NTMT1: variants seen among roughly 807,000 people sequenced by gnomAD.
The protein encoded by NTMT1 is N-terminal Xaa-Pro-Lys N-methyltransferase 1, also known as N-terminal RCC1 methyltransferase.
NTMT1 carries 8 observed loss-of-function variants against 17.5 expected under a neutral mutation model. The observed-to-expected ratio is 0.46, with a 90% CI of 0.27 to 0.82. The LOEUF is 0.82. Among genes scored for constraint, NTMT1 ranks in the 40% least tolerant of loss-of-function variants. NTMT1 has a pLI of 0.15. For synonymous variants in NTMT1, 128 were observed against 126.8 expected, an observed-to-expected ratio of 1.01 and a Z score of -0.06; for missense variants, 221 against 303.5, an observed-to-expected ratio of 0.73 and a Z score of 2.02.
At chr9:129,616,435 C>T (rs937792922) in intron 1 of NTMT1, among the ~76,000 whole-genome samples, 20 of 152,186 alleles carry the variant, frequency 1.3e-4, no homozygotes, top group African/African-American at 2.9e-4. Flanking sequence ...AGGGTGGTCC[C>T]GAACGCCTGA....
chr9:129,623,828 C>CTT (rs11375035), upstream of NTMT1, among the ~76,000 whole-genome samples: 1 of 130,638 alleles, frequency 7.7e-6, no homozygotes, highest in African/African-American at 2.9e-5. Flanking sequence ...CTTTTCTTTT[C>CTT]TTTTTTTTTT....
At chr9:129,619,124 A>T (rs77594518) in intron 1 of NTMT1, among the ~76,000 whole-genome samples, 5,174 of 152,218 alleles carry the variant, frequency 0.034, 133 homozygotes, top group Non-Finnish European at 0.054. Flanking sequence ...GTATGGATGG[A>T]TGGAGTCATG....
At chr9:129,625,628 G>T (rs558157601), upstream of NTMT1, among the ~76,000 whole-genome samples, 1 of 152,310 alleles carries the variant, frequency 6.6e-6, no homozygotes, top group East Asian at 1.9e-4. Context: ...CAGTCTGGAA[G>T]GCCGAGGTGG....
chr9:129,620,392 C>A lies in NTMT1; in HGVS notation c.-55+11214C>A. 2 of 1,229,714 alleles carry A rather than the reference C, an allele frequency of 1.6e-6. No homozygotes were observed. Among genetic ancestry groups the A allele is most frequent in the Non-Finnish European group, 2.0e-6 (2 of 987,260 alleles). 76.2% of individuals were successfully genotyped at this position (1,229,714 alleles called of 1,614,324 possible). On this transcript the variant is annotated intron_variant, in intron 1 of 3. Coordinates refer to the NTMT1 transcript ENST00000372486. This position sits in a 1 kb window ranked among gnomAD's most constrained non-coding sequence, Gnocchi z 5.8. ...CGGGCTTGGCGTCCCCTTCCGGCCA[C>A]CACGCGGCGCCGCCCCCCGGGATCC...
intron 1 of NTMT1, chr9:129,619,515 C>G (rs1461330071): frequency 8.1e-6 from 13 of 1,605,934 alleles, no homozygotes; most frequent in Middle Eastern, 1.7e-4. Context: ...CCGCCCATCA[C>G]TCACTGGTTG....
chr9:129,615,591 G>C (rs766245699), intron 1 of NTMT1: 4 of 1,605,624 alleles, frequency 2.5e-6, no homozygotes, highest in Non-Finnish European at 3.4e-6. Flanking sequence ...GCCTTCCCCC[G>C]AGGGGTTGTG....
At chr9:129,630,642 G>A (rs1459077205) in intron 1 of NTMT1, among the ~76,000 whole-genome samples, 9 of 152,136 alleles carry the variant, frequency 5.9e-5, no homozygotes, top group East Asian at 3.9e-4. Context: ...GGACTCTTCC[G>A]TGTTGACCCT....
rs1036397309 is a variant in NTMT1 at position 129,620,196 on chromosome 9, G to GA, written c.-55+11018_-55+11019insA. Reference sequence around the variant, plus strand: ...TCCTCCCTGGCCACGCGCCTCCGGGGGCGCTCGCGCTCTCCAGGCCCTGGC... The same window carrying GA: ...TCCTCCCTGGCCACGCGCCTCCGGGGAGCGCTCGCGCTCTCCAGGCCCTGGC... On this transcript the variant is annotated intron_variant, in intron 1 of 3. Coordinates refer to the NTMT1 transcript ENST00000372486. This position sits in a 1 kb window ranked among gnomAD's most constrained non-coding sequence, Gnocchi z 5.8. 2.8e-5 allele frequency: 41 copies of GA among 1,450,288 alleles called. No homozygotes were observed. The South Asian group carries it at 5.5e-4, about 19-fold the overall frequency. 89.8% of individuals were successfully genotyped at this position (1,450,288 alleles called of 1,614,324 possible).
chr9:129,611,091 T>G (rs538964309), intron 1 of NTMT1, among the ~76,000 whole-genome samples: 9 of 152,088 alleles, frequency 5.9e-5, no homozygotes, highest in African/African-American at 2.2e-4. Flanking sequence ...AGGGCGCCTC[T>G]CCCAAAAGGC....
intron 2 of NTMT1, chr9:129,633,823 T>C (rs1265178723): frequency 1.9e-6 from 1 of 515,600 alleles, no homozygotes; most frequent in Non-Finnish European, 3.4e-6. Context: ...GAATGCAGAA[T>C]GCAACCTGAA....
upstream of NTMT1, among the ~76,000 whole-genome samples, chr9:129,624,267 T>C (rs1830828824): frequency 6.6e-6 from 1 of 152,204 alleles, no homozygotes; most frequent in Non-Finnish European, 1.5e-5. Context: ...CTTGCTCTTC[T>C]GTTGACAGGA....
chr9:129,613,406 G>T lies in NTMT1; in HGVS notation c.-55+4228G>T. On this transcript the variant is annotated intron_variant, in intron 1 of 3. Coordinates refer to the NTMT1 transcript ENST00000372486. The surrounding 1 kb of genome is among the most constrained non-coding windows in gnomAD (Gnocchi z 6.2). ...GGTGGAGGGCCCTGGCAATGTCCAC[G>T]AGTCCCATCCGCTTCCCTGGAGCCT... The T allele has an allele frequency of 6.2e-7, 1 of 1,608,896 alleles. No individual in the cohort carries two copies.
At chr9:129,618,811 G>A (rs1387492418) in intron 1 of NTMT1, among the ~76,000 whole-genome samples, 1 of 151,596 alleles carries the variant, frequency 6.6e-6, no homozygotes, top group African/African-American at 2.4e-5. Context: ...TCTCGCCTCA[G>A]CCTCCCGAGT....
Position 129,635,794 on chromosome 9 carries a change from G to T in NTMT1, c.*330G>T, listed in dbSNP as rs557674962. 14 of 257,104 alleles carry T rather than the reference G, an allele frequency of 5.4e-5. No homozygotes were observed. The highest frequency in any genetic ancestry group is 9.0e-5 in the Non-Finnish European group (12 of 133,480). The allele number at this position is 257,104 out of a possible 1,614,324, so 15.9% of individuals were successfully genotyped here. A position where few individuals can be genotyped will look rare whatever the true frequency, so the allele number is the denominator to read the frequency against. On this transcript the variant is annotated 3_prime_UTR_variant, in exon 4 of 4. Transcript: ENST00000372483. ...AACCGATTCCCTGGGCCTCCAGCCC[G>T]GCCTTCCAGCCATGGGCCTGGCTGC...
intron 1 of NTMT1, chr9:129,619,402 T>C: frequency 1.3e-6 from 1 of 752,824 alleles, no homozygotes. Flanking sequence ...TATGTAAGGA[T>C]GGATGAATGG....
rs771692996 is a variant in NTMT1, at chr9:129,619,720, A to T, written c.-55+10542A>T. On this transcript the variant is annotated intron_variant, in intron 1 of 3. Transcript: ENST00000372486. The stretch of plus-strand genomic sequence containing the variant: ...ATCGATGGCAACCCCGTCCCCACCA[A>T]GAAGCGGACTGACGCTTACCACAGG... 2.2e-5 allele frequency: 36 copies of T among 1,613,596 alleles called. No individual in the cohort carries two copies. The South Asian group carries it at 3.8e-4, about 17-fold the overall frequency.
intron 1 of NTMT1, among the ~76,000 whole-genome samples, chr9:129,615,912 A>G (rs1830355190): frequency 6.6e-6 from 1 of 152,242 alleles, no homozygotes; most frequent in Non-Finnish European, 1.5e-5. Context: ...GAGGAAACAG[A>G]GGCACAGAGA....
At position 129,620,140 on chromosome 9, in the gene NTMT1, C is replaced by T; in HGVS notation, c.-55+10962C>T. 1 of 1,458,054 alleles carries T rather than the reference C, an allele frequency of 6.9e-7. No homozygotes were observed. Among genetic ancestry groups the T allele is most frequent in the Non-Finnish European group, 9.1e-7 (1 of 1,103,358 alleles). 90.3% of individuals were successfully genotyped at this position (1,458,054 alleles called of 1,614,324 possible). The stretch of plus-strand genomic sequence containing the variant: ...ACTCACGGAACCTGCTGGGGAGGAG[C>T]TCTCCTAGGAAGGCGCCCAAGAAGT... On this transcript the variant is annotated intron_variant, in intron 1 of 3. Transcript: ENST00000372486. This position sits in a 1 kb window ranked among gnomAD's most constrained non-coding sequence, Gnocchi z 5.8.
At chr9:129,630,429 T>TA (rs1354592264) in intron 1 of NTMT1, among the ~76,000 whole-genome samples, 8 of 151,546 alleles carry the variant, frequency 5.3e-5, no homozygotes, top group East Asian at 1.9e-4. Flanking sequence ...AGACCCTTTC[T>TA]AAAAAAAAAG....
Sources: gnomAD v4.1 joint callset for allele counts (sites outside exome capture counted in the v4.1 genomes callset) on GRCh38, gnomAD v4.1.1 for gene constraint, Gnocchi (gnomAD v3.1) non-coding constraint, MANE v1.5 for transcripts, NCBI Gene and HGNC (gene_info 2026-07-23, HGNC 2026-07-21) for gene names.